IQUB: variants seen among roughly 807,000 people sequenced by gnomAD.
The protein encoded by IQUB is IQ motif and ubiquitin-like domain-containing protein.
IQUB carries 86 observed loss-of-function variants against 86.4 expected under a neutral mutation model. The ratio of observed to expected loss-of-function variants is 1.00; its 90% CI spans 0.84 to 1.19. The LOEUF (loss-of-function observed/expected upper bound fraction) is 1.19. IQUB is among the 50% of genes most tolerant of loss of function. The pLI is 0.00. For synonymous variants in IQUB, 289 were observed against 304.5 expected, an observed-to-expected ratio of 0.95 and a Z score of 0.53; for missense variants, 946 against 916.9, an observed-to-expected ratio of 1.03 and a Z score of -0.41.
At chr7:123,521,801 T>C (rs1218993474) in intron 1 of IQUB, among the ~76,000 whole-genome samples, 1 of 152,082 alleles carries the variant, frequency 6.6e-6, no homozygotes, top group Non-Finnish European at 1.5e-5. Context: ...CATTAGTTGT[T>C]TATAAAAAGG....
chr7:123,500,152 C>T (rs555263884), intron 6 of IQUB, among the ~76,000 whole-genome samples: 1 of 152,138 alleles, frequency 6.6e-6, no homozygotes, highest in Non-Finnish European at 1.5e-5. Context: ...ACCAGGCAAC[C>T]CTCAGGTCTG....
intron 10 of IQUB, among the ~76,000 whole-genome samples, chr7:123,464,172 G>C (rs1794138793): frequency 6.6e-6 from 1 of 151,778 alleles, no homozygotes; most frequent in African/African-American, 2.4e-5. Context: ...TCTACCCCAA[G>C]AGTTTTGCTA....
At chr7:123,508,375 G>A (rs1796282458) in intron 3 of IQUB, among the ~76,000 whole-genome samples, 2 of 152,182 alleles carry the variant, frequency 1.3e-5, no homozygotes, top group South Asian at 4.1e-4. Context: ...AAGCCACTAA[G>A]TTTGTGACTG....
chr7:123,477,218 A>G (rs892574857), intron 8 of IQUB, among the ~76,000 whole-genome samples: 2 of 152,236 alleles, frequency 1.3e-5, no homozygotes, highest in Admixed American at 1.3e-4. Flanking sequence ...CCAAAACAGC[A>G]TGGTACTGGT....
intron 11 of IQUB, among the ~76,000 whole-genome samples, chr7:123,458,929 T>G (rs1793847204): frequency 6.6e-6 from 1 of 152,026 alleles, no homozygotes; most frequent in Non-Finnish European, 1.5e-5. Context: ...TTTCACCTTT[T>G]CATTTTACAT....
At position 123,503,274 on chromosome 7, in the gene IQUB, C is replaced by A. The variant is rs749530664; in HGVS notation, c.622G>T (p.Asp208Tyr). The change falls in exon 4 of 13, where the codon GAT becomes TAT. Residue 208 changes from aspartate to tyrosine, a missense_variant. Coordinates refer to ENST00000324698, the MANE Select transcript of IQUB (RefSeq NM_178827.5). ...VQVEIFSTNPDLYPVRRIDGL... is the reference protein window; with the variant it reads ...VQVEIFSTNPYLYPVRRIDGL... Reference sequence around the variant, plus strand: ...TCTATTCTTCTGACTGGATACAGATCTGGATTTGTAGAAAAGATTTCCACT... The same window carrying A: ...TCTATTCTTCTGACTGGATACAGATATGGATTTGTAGAAAAGATTTCCACT... The A allele has an allele frequency of 2.5e-6, 4 of 1,609,044 alleles. No individual in the cohort carries two copies. The highest frequency in any genetic ancestry group is 1.3e-5 in the African/African-American group (1 of 74,946).
rs188323544 is a variant in IQUB, at chr7:123,477,280, C to A, written c.1410+2515G>T. Among the ~76,000 whole-genome samples, 233 of 152,174 alleles carry A rather than the reference C, an allele frequency of 1.5e-3. 2 individuals are homozygous for A. The highest frequency in any genetic ancestry group is 5.5e-3 in the African/African-American group (230 of 41,532). On this transcript the variant is annotated intron_variant, in intron 8 of 12. Transcript: ENST00000324698. ...AACAAAACAGAGGCCTCAGAAATAA[C>A]ACGACACATCCACAACTATCTGATC... is the stretch of plus-strand genomic sequence containing the variant.
intron 8 of IQUB, among the ~76,000 whole-genome samples, chr7:123,472,313 A>G (rs1049764015): frequency 2.6e-5 from 4 of 152,168 alleles, no homozygotes; most frequent in Non-Finnish European, 4.4e-5. Flanking sequence ...ATGTAGTTCT[A>G]TATATCTCAC....
At chr7:123,489,088 T>C (rs1388614731) in intron 7 of IQUB, among the ~76,000 whole-genome samples, 1 of 152,176 alleles carries the variant, frequency 6.6e-6, no homozygotes, top group Non-Finnish European at 1.5e-5. Context: ...TATATGGTGA[T>C]AGAAGTCAGA....
At chr7:123,467,345 G>A (rs1449196761) in intron 9 of IQUB, among the ~76,000 whole-genome samples, 2 of 151,976 alleles carry the variant, frequency 1.3e-5, no homozygotes, top group Non-Finnish European at 2.9e-5. Context: ...GGCAGGTTGT[G>A]GTAGCTGATA....
intron 8 of IQUB, among the ~76,000 whole-genome samples, chr7:123,471,137 T>C (rs1794504657): frequency 6.6e-6 from 1 of 152,108 alleles, no homozygotes; most frequent in African/African-American, 2.4e-5. Flanking sequence ...AGCCCTATAA[T>C]TAATTTAAAT....
intron 1 of IQUB, among the ~76,000 whole-genome samples, chr7:123,514,378 C>T (rs976118811): frequency 2.0e-5 from 3 of 151,962 alleles, no homozygotes; most frequent in African/African-American, 2.4e-5. Flanking sequence ...TCTAAAGGAA[C>T]TTCTAAAGAA....
In IQUB at chr7:123,521,121, T is replaced by G. The variant is rs181228134; in HGVS notation, c.-4-8777A>C. ...ATTGGAGAGTCAGAAGTCTATGGTA[T>G]TTAAAGCCATGAGACATGTGAAATC... On this transcript the variant is annotated intron_variant, in intron 1 of 12. Coordinates refer to ENST00000324698, the MANE Select transcript of IQUB (RefSeq NM_178827.5). 2.6e-5 allele frequency among the ~76,000 whole-genome samples: 4 copies of G among 152,232 alleles called. No homozygotes were observed. In the East Asian group the frequency reaches 7.7e-4, roughly 29 times the overall value.
intron 12 of IQUB, among the ~76,000 whole-genome samples, chr7:123,453,326 AAAAAC>A (rs200188186): frequency 0.016 from 2,327 of 147,340 alleles, 59 homozygotes; most frequent in African/African-American, 0.054. Flanking sequence ...AAACAAAAAT[AAAAAC>A]AAAACAAAAC....
In IQUB at chr7:123,461,502, C is replaced by T. The variant is rs151081757; in HGVS notation, c.1862G>A (p.Arg621His). The T allele has an allele frequency of 2.3e-5, 37 of 1,611,952 alleles. No homozygotes were observed. The African/African-American group carries it at 3.3e-4, about 15-fold the overall frequency. ...AATGCAGTTACGACACCGGTATATGCGGCGTGAGGTGGATGATACAGAAAA... is the reference window on the plus strand; with the variant it reads ...AATGCAGTTACGACACCGGTATATGTGGCGTGAGGTGGATGATACAGAAAA... ...TEFSVSSTSR[R>H]IYRCRNCINL... Residue 621 changes from arginine (R) to histidine (H), a missense_variant, in exon 11 of 13, where the codon CGC becomes CAC. Arg to His is a conservative substitution (Grantham distance 29). Coordinates refer to ENST00000324698, the MANE Select transcript of IQUB (RefSeq NM_178827.5).
rs759862804 is a variant in IQUB, at chr7:123,512,297, T to C, written c.44A>G (p.Asn15Ser). ...AGCATCATCACTCTCTTCTGTTGAATTGACTATATTCTGAGCTTCATACTT... is the reference window on the plus strand; with the variant it reads ...AGCATCATCACTCTCTTCTGTTGAACTGACTATATTCTGAGCTTCATACTT... ...QEKYEAQNIVNSTEESDDAFD... is the reference protein window; with the variant it reads ...QEKYEAQNIVSSTEESDDAFD... Residue 15 changes from asparagine (N) to serine (S), a missense_variant, in exon 2 of 13, where the codon AAT becomes AGT. Physicochemically the swap from Asn to Ser is conservative, Grantham distance 46. Coordinates refer to ENST00000324698, the MANE Select transcript of IQUB (RefSeq NM_178827.5). 6 of 1,606,432 alleles carry C rather than the reference T, an allele frequency of 3.7e-6. No homozygotes were observed. Among genetic ancestry groups the C allele is most frequent in the African/African-American group, 1.3e-5 (1 of 74,902 alleles).
intron 1 of IQUB, among the ~76,000 whole-genome samples, chr7:123,521,681 C>CACACACACACACACACACAG (rs533866528): frequency 6.6e-6 from 1 of 151,018 alleles, no homozygotes; most frequent in African/African-American, 2.4e-5. Context: ...CACACACACA[C>CACACACACACACACACACAG]AGAGATCACA....
rs1327445133 is a variant in IQUB at position 123,461,575 on chromosome 7, T to C, written c.1789A>G (p.Lys597Glu). The change falls in exon 11 of 13, where the codon AAG (lysine) becomes GAG (glutamate). Residue 597 changes from lysine to glutamate, a missense_variant. Lys to Glu is a moderately conservative substitution (Grantham distance 56). Transcript: ENST00000324698. ...TGGCAACTGTGGCAAAAGTAAATCT[T>C]CTTATAAAATTTCAATGGGTCTTGA... is the stretch of plus-strand genomic sequence containing the variant. ...VPQDPLKFYKKIYFCHSCQLY... is the reference protein window; with the variant it reads ...VPQDPLKFYKEIYFCHSCQLY... 2.1e-5 allele frequency: 34 copies of C among 1,610,780 alleles called. No individual in the cohort carries two copies. Among genetic ancestry groups the C allele is most frequent in the South Asian group, 3.3e-5 (3 of 90,914 alleles).
chr7:123,456,155 A>G (rs910263538), intron 12 of IQUB, among the ~76,000 whole-genome samples: 1 of 152,140 alleles, frequency 6.6e-6, no homozygotes, highest in Non-Finnish European at 1.5e-5. Flanking sequence ...TGCCCTTTAC[A>G]GAAATTCGAT....
Sources: allele counts gnomAD v4.1 joint callset (sites outside exome capture counted in the v4.1 genomes callset), GRCh38; gene constraint gnomAD v4.1.1; transcripts MANE v1.5; gene names NCBI Gene and HGNC (gene_info 2026-07-23, HGNC 2026-07-21).